Variants in ENOSF1 observed in about 807,000 individuals in gnomAD.
The protein encoded by ENOSF1 is enolase superfamily member 1.
In ENOSF1, 73 loss-of-function variants were observed where a neutral mutation model predicts 68.2. The observed-to-expected ratio is 1.07, with a 90% CI of 0.89 to 1.30. ENOSF1 has a LOEUF of 1.30. ENOSF1 is among the 50% of genes most tolerant of loss of function. ENOSF1 has a pLI of 0.00. For synonymous variants in ENOSF1, 223 were observed against 210.4 expected (o/e 1.06, Z -0.52); for missense variants, 589 against 554.5 (o/e 1.06, Z -0.62).
chr18:683,462 G>GT (rs777704979), intron 10 of ENOSF1, 82 bp from the exon 11 acceptor site: 1 of 1,530,998 alleles, frequency 6.5e-7, no homozygotes, highest in Non-Finnish European at 9.0e-7. Context: ...AGGAAATGCT[G>GT]TCACTCAGTG....
In ENOSF1 at chr18:673,606, A is replaced by G; in HGVS notation, c.*699T>C. 5.6e-6 allele frequency: 1 copy of G among 179,078 alleles called. No homozygotes were observed. Among genetic ancestry groups the G allele is most frequent in the Non-Finnish European group, 1.2e-5 (1 of 83,992 alleles). The allele number at this position is 179,078 out of a possible 1,614,324, so 11.1% of individuals were successfully genotyped here. On this transcript the variant is annotated 3_prime_UTR_variant, in exon 16 of 16. Transcript: ENST00000647584. Reference sequence around the variant, plus strand: ...TGTGCTGTATTCTGGTTTGGATGCTACTTAAAAGAGTATATTTTAGAAATA... The same window carrying G: ...TGTGCTGTATTCTGGTTTGGATGCTGCTTAAAAGAGTATATTTTAGAAATA...
intron 1 of ENOSF1, among the ~76,000 whole-genome samples, chr18:708,944 A>G (rs2079221325): frequency 6.6e-6 from 1 of 152,160 alleles, no homozygotes; most frequent in Non-Finnish European, 1.5e-5. Flanking sequence ...AGAGGAAGCA[A>G]TGGAAAAAGG....
intron 3 of ENOSF1, among the ~76,000 whole-genome samples, chr18:695,923 C>T (rs2077661461): frequency 6.6e-6 from 1 of 152,166 alleles, no homozygotes. Context: ...AAATCCCAGG[C>T]ACTATTGAAA....
At chr18:668,651 ACTCT>A (rs754573274), downstream of ENOSF1, among the ~76,000 whole-genome samples, 2 of 152,150 alleles carry the variant, frequency 1.3e-5, no homozygotes, top group South Asian at 4.1e-4. Flanking sequence ...AAGATACAAC[ACTCT>A]CTGTGAGACA....
intron 11 of ENOSF1, among the ~76,000 whole-genome samples, chr18:679,993 A>G (rs893016009): frequency 1.6e-4 from 25 of 152,224 alleles, no homozygotes; most frequent in African/African-American, 5.8e-4. Context: ...CATTTTATAA[A>G]AAATGATAAA....
chr18:693,059 G>A (rs751841431), intron 5 of ENOSF1: 8 of 1,284,212 alleles, frequency 6.2e-6, no homozygotes, highest in African/African-American at 4.6e-5. Context: ...CATGCTCAAG[G>A]TCATGCAGCT....
intron 11 of ENOSF1, 195 bp downstream of exon 11, chr18:683,051 C>A: frequency 1.6e-6 from 1 of 641,568 alleles, no homozygotes; most frequent in East Asian, 3.0e-5. Context: ...GAAATAAGGG[C>A]AAAGTATAAG....
rs2075667412 is a variant in ENOSF1, at chr18:677,818, G to A, written c.973C>T (p.Leu325Phe). Residue 325 changes from leucine to phenylalanine, a missense_variant, in exon 13 of 16, where the codon CTC (leucine) becomes TTC (phenylalanine). Leu to Phe is a conservative substitution (Grantham distance 22). Transcript: ENST00000647584. ...CCCAGTCTGCAACTGTCAATCTGGA[G>A]GAACTGCAGGGCCTTCGCCTGTAGG... ...QLLQAKALQF[L>F]QIDSCRLGSV... 1.2e-6 allele frequency: 2 copies of A among 1,614,052 alleles called. No homozygotes were observed. Among genetic ancestry groups the A allele is most frequent in the Admixed American group, 3.3e-5 (2 of 60,008 alleles).
At chr18:691,551 T>C (rs979961834) in intron 5 of ENOSF1, 25 of 319,150 alleles carry the variant, frequency 7.8e-5, no homozygotes, top group Non-Finnish European at 1.2e-4. Flanking sequence ...CTCACTATGT[T>C]GACCAGGTTG....
chr18:693,444 G>T, intron 5 of ENOSF1: 1 of 984,220 alleles, frequency 1.0e-6, no homozygotes, highest in Non-Finnish European at 1.2e-6. Flanking sequence ...CAAAGTATTG[G>T]GATTACAGGC....
At chr18:690,131 T>C (rs1383127539) in intron 8 of ENOSF1, among the ~76,000 whole-genome samples, 1 of 152,042 alleles carries the variant, frequency 6.6e-6, no homozygotes, top group Non-Finnish European at 1.5e-5. Flanking sequence ...TTGCATCCTT[T>C]ATAATAAATG....
intron 2 of ENOSF1, among the ~76,000 whole-genome samples, chr18:700,661 G>A (rs2145297403): frequency 6.6e-6 from 1 of 152,156 alleles, no homozygotes; most frequent in African/African-American, 2.4e-5. Flanking sequence ...GAGGCGGGCG[G>A]ATCACCTGAG....
chr18:677,602 G>A (rs555565855), intron 13 of ENOSF1, 141 bp downstream of exon 13: 1 of 1,321,226 alleles, frequency 7.6e-7, no homozygotes, highest in Admixed American at 2.3e-5. Context: ...AAAATTCCCG[G>A]ATTAAAGCTA....
In ENOSF1 at chr18:712,536, T is replaced by C. The variant is rs1026770247; in HGVS notation, c.52A>G (p.Thr18Ala). The C allele has an allele frequency of 9.1e-6, 14 of 1,538,442 alleles. No individual in the cohort carries two copies. The East Asian group carries it at 3.2e-4, about 35-fold the overall frequency. The stretch of plus-strand genomic sequence containing the variant: ...TCCGCGCCGTGGCCCCCAAGCGACG[T>C]GGGGAAGCGCACGTCCCGGACCGAG... ...RLSVRDVRFP[T>A]SLGGHGADAM... The change falls in exon 1 of 16, where the codon ACG becomes GCG. Residue 18 changes from threonine (T) to alanine (A), a missense_variant. Transcript: ENST00000647584.
chr18:702,826 T>C (rs2078509106), intron 2 of ENOSF1, among the ~76,000 whole-genome samples: 1 of 152,204 alleles, frequency 6.6e-6, no homozygotes, highest in African/African-American at 2.4e-5. Context: ...AAAGTCATGA[T>C]TTAAAAAAAT....
At chr18:700,904 A>C (rs1268510089) in intron 2 of ENOSF1, among the ~76,000 whole-genome samples, 2 of 151,176 alleles carry the variant, frequency 1.3e-5, no homozygotes, top group South Asian at 2.1e-4. Context: ...AAAAAAAAAA[A>C]AAAAAAAAAA....
rs1001366702 is a variant in ENOSF1, at chr18:672,556, T to A, written c.*1749A>T. 1.4e-5 allele frequency: 3 copies of A among 212,492 alleles called. No individual in the cohort carries two copies. The highest frequency in any genetic ancestry group is 2.8e-5 in the Non-Finnish European group (3 of 105,310). 13.2% of individuals were successfully genotyped at this position (212,492 alleles called of 1,614,324 possible). A position where few individuals can be genotyped will look rare whatever the true frequency, so the allele number is the denominator to read the frequency against. ...ACGTAGAGCTACTATGAGTTACAGA[T>A]TGACTGTGTTCCTGTCTTTAATAAA... On this transcript the variant is annotated 3_prime_UTR_variant, in exon 16 of 16. Coordinates refer to ENST00000647584, the MANE Select transcript of ENOSF1 (RefSeq NM_017512.7).
chr18:688,805 C>A (rs893847545), intron 8 of ENOSF1, among the ~76,000 whole-genome samples, 197 bp from the exon 9 acceptor site: 7 of 152,200 alleles, frequency 4.6e-5, no homozygotes, highest in Non-Finnish European at 1.0e-4. Flanking sequence ...ACTTTCTTTC[C>A]TCATCTCTAT....
intron 5 of ENOSF1, 55 bp downstream of exon 5, chr18:693,827 C>G: frequency 6.2e-7 from 1 of 1,609,844 alleles, no homozygotes; most frequent in Non-Finnish European, 8.5e-7. Context: ...GGCATGTCAT[C>G]AATGATATCC....
Sources: allele counts gnomAD v4.1 joint callset (sites outside exome capture counted in the v4.1 genomes callset), GRCh38; gene constraint gnomAD v4.1.1; transcripts MANE v1.5; gene names NCBI Gene and HGNC (gene_info 2026-07-23, HGNC 2026-07-21).